The following AUTS2 variants were observed in gnomAD, a reference collection of about 807,000 sequenced individuals.
AUTS2 encodes the protein activator of transcription and developmental regulator AUTS2.
A neutral mutation model predicts 112.4 loss-of-function variants in AUTS2; 17 were observed. The observed-to-expected ratio is 0.15, with a 90% CI of 0.10 to 0.23. AUTS2 has a LOEUF of 0.23. Among genes scored for constraint, AUTS2 ranks in the 10% least tolerant of loss-of-function variants. The probability of loss-of-function intolerance (pLI) is 1.00; values close to 1 mark genes in which losing one functional copy is unlikely to be tolerated. For synonymous variants in AUTS2, 751 were observed against 702.7 expected, an observed-to-expected ratio of 1.07 and a Z score of -1.09; for missense variants, 1,510 against 1,701.6, an observed-to-expected ratio of 0.89 and a Z score of 1.98.
At chr7:69,667,806 G>A (rs760732085) in intron 1 of AUTS2, among the ~76,000 whole-genome samples, 75 of 152,238 alleles carry the variant, frequency 4.9e-4, no homozygotes, top group Middle Eastern at 6.8e-3. Context: ...TTACCATTGG[G>A]ATAAACCTCC....
chr7:69,912,825 C>T lies in AUTS2; in HGVS notation c.522+13327C>T, dbSNP rs1368992533. ...ATCTGCTCTCAGAGTCACAAAATGC[C>T]TTTGCTTCCTGTTTCCTTGTTCCTT... On this transcript the variant is annotated intron_variant, in intron 2 of 18. Transcript: ENST00000342771. Among the ~76,000 whole-genome samples, 5 of 152,194 alleles carry T rather than the reference C, an allele frequency of 3.3e-5. No individual in the cohort carries two copies. The East Asian group carries it at 9.6e-4, about 29-fold the overall frequency.
At chr7:69,632,480 G>A (rs988033162) in intron 1 of AUTS2, among the ~76,000 whole-genome samples, 3 of 151,818 alleles carry the variant, frequency 2.0e-5, no homozygotes, top group Non-Finnish European at 2.9e-5. Flanking sequence ...TATCTCTTAG[G>A]CTGACGTGCT....
At chr7:70,630,102 G>A (rs1018560765) in intron 5 of AUTS2, among the ~76,000 whole-genome samples, 1 of 152,182 alleles carries the variant, frequency 6.6e-6, no homozygotes, top group East Asian at 1.9e-4. Context: ...CATGGGGTTT[G>A]CAGAGGAAAG....
intron 1 of AUTS2, among the ~76,000 whole-genome samples, chr7:69,693,420 A>G (rs1224936937): frequency 1.3e-5 from 2 of 152,238 alleles, no homozygotes; most frequent in Non-Finnish European, 2.9e-5. Flanking sequence ...GAAACATGAT[A>G]ATTTTTTCTC....
At chr7:70,399,350 G>C (rs190883984) in intron 4 of AUTS2, among the ~76,000 whole-genome samples, 1 of 151,930 alleles carries the variant, frequency 6.6e-6, no homozygotes, top group Non-Finnish European at 1.5e-5. Context: ...CCAATATTAC[G>C]CCATTCTATG....
At position 69,920,352 on chromosome 7, in the gene AUTS2, G is replaced by A. The variant is rs10226933; in HGVS notation, c.522+20854G>A. On this transcript the variant is annotated intron_variant, in intron 2 of 18. Coordinates refer to ENST00000342771, the MANE Select transcript of AUTS2 (RefSeq NM_015570.4). ...TTGTCACTCAGGTTGAAGTGCAGTG[G>A]TACAATCTCACTGCAGTCTGAACCT... Among the ~76,000 whole-genome samples the A allele has an allele frequency of 5.1e-3, 774 of 151,784 alleles. 8 individuals are homozygous for A. The highest frequency in any genetic ancestry group is 0.018 in the African/African-American group (747 of 41,340).
chr7:70,484,648 G>A (rs1797915977), intron 5 of AUTS2, among the ~76,000 whole-genome samples: 1 of 152,188 alleles, frequency 6.6e-6, no homozygotes, highest in Non-Finnish European at 1.5e-5. Context: ...CTCTTTAGAG[G>A]CAAGCAGTGT....
chr7:70,673,846 G>A (rs913241828), intron 5 of AUTS2, among the ~76,000 whole-genome samples: 3 of 152,208 alleles, frequency 2.0e-5, no homozygotes, highest in African/African-American at 7.2e-5. Context: ...GACCTTAGTA[G>A]AGATAATGGT....
intron 4 of AUTS2, among the ~76,000 whole-genome samples, chr7:70,263,791 T>C (rs1787280643): frequency 1.3e-5 from 2 of 152,194 alleles, no homozygotes; most frequent in African/African-American, 4.8e-5. Flanking sequence ...TTTCTCAGCA[T>C]GGAAAGGTAT....
chr7:70,204,391 G>A (rs114234459), intron 4 of AUTS2, among the ~76,000 whole-genome samples: 2,359 of 152,152 alleles, frequency 0.016, 64 homozygotes, highest in African/African-American at 0.05. Context: ...TTTAAAATTT[G>A]TGAAATAAAT....
intron 5 of AUTS2, among the ~76,000 whole-genome samples, chr7:70,465,674 G>T (rs971497139): frequency 1.4e-4 from 21 of 152,142 alleles, no homozygotes; most frequent in African/African-American, 4.8e-4. Flanking sequence ...AGGTCATCAG[G>T]ATTACCACAA....
chr7:70,301,460 TTAAAA>T (rs879754093), intron 4 of AUTS2, among the ~76,000 whole-genome samples: 9 of 152,280 alleles, frequency 5.9e-5, no homozygotes, highest in East Asian at 5.8e-4. Context: ...GTTTTTTGGC[TTAAAA>T]TAAAATAGGG....
At chr7:69,786,613 C>T (rs1448809131) in intron 1 of AUTS2, among the ~76,000 whole-genome samples, 1 of 152,152 alleles carries the variant, frequency 6.6e-6, no homozygotes, top group Admixed American at 6.5e-5. Flanking sequence ...GTAACACTCA[C>T]CACGAAGGTC....
At chr7:70,511,369 T>G (rs2116779390) in intron 5 of AUTS2, among the ~76,000 whole-genome samples, 1 of 151,344 alleles carries the variant, frequency 6.6e-6, no homozygotes, top group African/African-American at 2.4e-5. Flanking sequence ...GAGAAACTGT[T>G]ACTTGGATAC....
chr7:69,788,757 C>T (rs1262957639), intron 1 of AUTS2, among the ~76,000 whole-genome samples: 2 of 148,028 alleles, frequency 1.4e-5, no homozygotes, highest in Non-Finnish European at 2.9e-5. Context: ...CTCCAGTGGC[C>T]TTGAAGCAAA....
intron 1 of AUTS2, among the ~76,000 whole-genome samples, chr7:69,661,090 A>G (rs1795770823): frequency 6.6e-6 from 1 of 152,146 alleles, no homozygotes; most frequent in Non-Finnish European, 1.5e-5. Flanking sequence ...CTTCAGAGGT[A>G]ACACTACTAG....
chr7:70,640,740 G>T (rs1256814618), intron 5 of AUTS2, among the ~76,000 whole-genome samples: 3 of 152,182 alleles, frequency 2.0e-5, no homozygotes, highest in African/African-American at 4.8e-5. Context: ...CACAATGACA[G>T]TTTGTTTTTG....
intron 4 of AUTS2, among the ~76,000 whole-genome samples, chr7:70,228,759 T>C (rs1440135171): frequency 1.3e-5 from 2 of 151,964 alleles, no homozygotes; most frequent in African/African-American, 4.8e-5. Flanking sequence ...ATAGCTATTA[T>C]TATCACATAC....
chr7:70,486,654 G>C (rs1798013056), intron 5 of AUTS2, among the ~76,000 whole-genome samples: 1 of 152,188 alleles, frequency 6.6e-6, no homozygotes, highest in Non-Finnish European at 1.5e-5. Flanking sequence ...AGCTACTTGG[G>C]AGGCTGAGGT....
Sources: gnomAD v4.1 joint callset for allele counts (sites outside exome capture counted in the v4.1 genomes callset) on GRCh38, gnomAD v4.1.1 for gene constraint, MANE v1.5 for transcripts, NCBI Gene and HGNC (gene_info 2026-07-23, HGNC 2026-07-21) for gene names.